Variants in CLIC5 observed in about 807,000 individuals in gnomAD.
CLIC5 encodes chloride intracellular channel protein 5.
In CLIC5, 20 loss-of-function variants were observed where a neutral mutation model predicts 24.7. The observed-to-expected ratio is 0.81, with a 90% CI of 0.57 to 1.18. The LOEUF (loss-of-function observed/expected upper bound fraction) is 1.18. Ranked by LOEUF, CLIC5 falls within the 50% of genes most tolerant of loss-of-function variation. The pLI is 0.00. For synonymous variants in CLIC5, 159 were observed against 135.6 expected (o/e 1.17, Z -1.20); for missense variants, 341 against 326.1 (o/e 1.05, Z -0.35).
At chr6:46,006,642 G>A (rs56972748) in intron 1 of CLIC5, among the ~76,000 whole-genome samples, 4 of 150,522 alleles carry the variant, frequency 2.7e-5, no homozygotes, top group African/African-American at 9.8e-5. Flanking sequence ...CTCCTCACGT[G>A]CCTCATTCCT....
chr6:45,917,735 C>G (rs1191528899), intron 4 of CLIC5, among the ~76,000 whole-genome samples: 1 of 152,164 alleles, frequency 6.6e-6, no homozygotes. Context: ...TTCCTCTGAC[C>G]CTGGCTCAAT....
the CLIC5 span, among the ~76,000 whole-genome samples, chr6:46,087,994 G>T: frequency 1.3e-5 from 2 of 152,060 alleles, no homozygotes; most frequent in Non-Finnish European, 2.9e-5. Context: ...TCTCACCCCA[G>T]GTTCTTTTTA....
intron 5 of CLIC5, among the ~76,000 whole-genome samples, chr6:45,905,485 T>G (rs1329180045): frequency 6.6e-6 from 1 of 151,934 alleles, no homozygotes; most frequent in Non-Finnish European, 1.5e-5. Flanking sequence ...CTGAGCTTTT[T>G]TTTTTTTTTT....
upstream of CLIC5, among the ~76,000 whole-genome samples, chr6:46,082,190 T>G (rs756313841): frequency 1.4e-4 from 21 of 152,312 alleles, no homozygotes; most frequent in East Asian, 3.7e-3. Context: ...CAAAGAATAG[T>G]ATACAGCATG....
At chr6:46,024,068 C>T (rs747737063) in intron 1 of CLIC5, among the ~76,000 whole-genome samples, 1 of 152,022 alleles carries the variant, frequency 6.6e-6, no homozygotes, top group Non-Finnish European at 1.5e-5. Context: ...TTAGGGACAT[C>T]GGGAATAGGA....
At position 46,069,579 on chromosome 6, in the gene CLIC5, A is replaced by G. The variant is rs1318685002; in HGVS notation, c.540+10124T>C. Among the ~76,000 whole-genome samples the G allele has an allele frequency of 4.0e-5, 6 of 151,878 alleles. No homozygotes were observed. The East Asian group carries it at 1.2e-3, about 29-fold the overall frequency. ...TTGAATCGGTAATAAATAGCCTGCCAAAAAAACAAAAAAAGAAAAAAAAGC... is the reference window on the plus strand; with the variant it reads ...TTGAATCGGTAATAAATAGCCTGCCGAAAAAACAAAAAAAGAAAAAAAAGC... On this transcript the variant is annotated intron_variant, in intron 1 of 5. Transcript: ENST00000185206.
At chr6:46,040,871 T>A (rs1226689458) in intron 1 of CLIC5, among the ~76,000 whole-genome samples, 1 of 152,238 alleles carries the variant, frequency 6.6e-6, no homozygotes, top group African/African-American at 2.4e-5. Context: ...TGCAATTTGT[T>A]AGTCTTTCTA....
At chr6:45,933,605 A>G (rs1474571039) in intron 4 of CLIC5, among the ~76,000 whole-genome samples, 1 of 152,238 alleles carries the variant, frequency 6.6e-6, no homozygotes, top group African/African-American at 2.4e-5. Context: ...GTATGTTAGG[A>G]CATCTCAGAG....
intron 5 of CLIC5, chr6:45,911,759 A>C (rs146549232): frequency 2.0e-6 from 2 of 985,480 alleles, no homozygotes; most frequent in Non-Finnish European, 1.2e-6. Flanking sequence ...AGGGCTGAAC[A>C]TCGTCACTAT....
intron 1 of CLIC5, among the ~76,000 whole-genome samples, chr6:46,006,127 C>CATATATATATAT (rs58643121): frequency 6.8e-4 from 24 of 35,114 alleles, no homozygotes; most frequent in South Asian, 1.5e-3. Flanking sequence ...TGTATAAATA[C>CATATATATATAT]ATATATATAT....
intron 6 of CLIC5, among the ~76,000 whole-genome samples, chr6:45,884,566 A>T (rs1174687053): frequency 6.6e-6 from 1 of 152,182 alleles, no homozygotes; most frequent in Non-Finnish European, 1.5e-5. Context: ...ACCCTAGTGC[A>T]AGGAAGGCTG....
the CLIC5 span, among the ~76,000 whole-genome samples, chr6:46,126,542 G>A: frequency 6.6e-6 from 1 of 152,128 alleles, no homozygotes; most frequent in African/African-American, 2.4e-5. Context: ...ACTTGATTGA[G>A]ATTATTCCAA....
intron 4 of CLIC5, among the ~76,000 whole-genome samples, chr6:45,926,192 CAT>C (rs1015748257): frequency 5.3e-5 from 8 of 150,586 alleles, no homozygotes; most frequent in East Asian, 3.9e-4. Flanking sequence ...CACACACACA[CAT>C]ACACACACAC....
chr6:46,064,757 G>A (rs755313208), intron 1 of CLIC5, among the ~76,000 whole-genome samples: 7 of 151,836 alleles, frequency 4.6e-5, no homozygotes, highest in Non-Finnish European at 1.0e-4. Flanking sequence ...GGGAGGAAAG[G>A]GAAGAAAATA....
At chr6:46,125,344 C>T in the CLIC5 span, among the ~76,000 whole-genome samples, 3 of 152,072 alleles carry the variant, frequency 2.0e-5, no homozygotes, top group African/African-American at 7.2e-5. Flanking sequence ...CCAAACACCG[C>T]ATGTTCTCAC....
chr6:46,063,489 A>G (rs1159786643), intron 1 of CLIC5, among the ~76,000 whole-genome samples: 2 of 152,248 alleles, frequency 1.3e-5, no homozygotes, highest in Non-Finnish European at 2.9e-5. Context: ...GAGTTCGGGA[A>G]GGTCAAGGCA....
At chr6:45,892,421 A>T (rs1310401455) in intron 6 of CLIC5, among the ~76,000 whole-genome samples, 4 of 152,172 alleles carry the variant, frequency 2.6e-5, no homozygotes, top group Non-Finnish European at 4.4e-5. Context: ...CATGGCCAAG[A>T]ATGTTCTAGA....
chr6:46,015,303 C>T (rs960184668), intron 1 of CLIC5, among the ~76,000 whole-genome samples, 177 bp downstream of exon 1: 32 of 152,224 alleles, frequency 2.1e-4, no homozygotes, highest in African/African-American at 5.8e-4. Context: ...ACCTGCCTTC[C>T]TCCATTCCGC....
At chr6:45,881,070 A>G in exon 7 of CLIC5, 1 of 398,480 alleles carries the variant, frequency 2.5e-6, no homozygotes, top group Non-Finnish European at 4.4e-6. Flanking sequence ...AATGAGTTCC[A>G]CATTTAGAAA....
Sources: allele counts gnomAD v4.1 joint callset (sites outside exome capture counted in the v4.1 genomes callset), GRCh38; gene constraint gnomAD v4.1.1; transcripts MANE v1.5; gene names NCBI Gene and HGNC (gene_info 2026-07-23, HGNC 2026-07-21).